The following SBF1 variants were observed in gnomAD, a reference collection of about 807,000 sequenced individuals.
The protein encoded by SBF1 is SET binding factor 1, also known as myotubularin-related protein 5.
Under a neutral mutation model 215.8 loss-of-function variants are expected in SBF1, and 65 were observed. The observed-to-expected ratio is 0.30, with a 90% CI of 0.25 to 0.37. SBF1 has a LOEUF of 0.37. Ranked by LOEUF, SBF1 falls within the 10% of genes least tolerant of loss-of-function variation. SBF1 has a pLI of 1.00. For missense variants in SBF1, 2,634 were observed against 2,667.8 expected, an observed-to-expected ratio of 0.99 and a Z score of 0.28; for synonymous variants, 1,410 against 1,122.8, an observed-to-expected ratio of 1.26 and a Z score of -5.11.
chr22:50,474,752 C>A, intron 1 of SBF1, 34 bp downstream of exon 1: 5 of 1,449,498 alleles, frequency 3.4e-6, no homozygotes, highest in Non-Finnish European at 4.5e-6. Context: ...CGACCCTCGG[C>A]CCCCGGCCCT....
chr22:50,461,482 G>A, intron 22 of SBF1, 41 bp downstream of exon 22: 3 of 1,554,966 alleles, frequency 1.9e-6, no homozygotes, highest in Non-Finnish European at 2.6e-6. Flanking sequence ...CAAAGACCTG[G>A]GGGAGAGGGG....
At chr22:50,449,818 AT>A (rs1415722908) in intron 36 of SBF1, among the ~76,000 whole-genome samples, 2 of 152,252 alleles carry the variant, frequency 1.3e-5, no homozygotes, top group African/African-American at 4.8e-5. Context: ...GCCATGACAG[AT>A]AATTAGTCTG....
rs1201530623 is a variant in SBF1 at position 50,459,366 on chromosome 22, G to A, written c.3715C>T (p.Leu1239=). The A allele has an allele frequency of 1.9e-6, 3 of 1,612,450 alleles. No individual in the cohort carries two copies. The highest frequency in any genetic ancestry group is 2.5e-6 in the Non-Finnish European group (3 of 1,179,462). The part of the protein sequence containing the change: ...PGQSQADSSS[L]EQEKYLQAVV... ...GCCTGCAGGTACTTCTCCTGCTCCA[G>A]GCTACTCGAGTCCGCCTGGGACTGG... is the stretch of plus-strand genomic sequence containing the variant. The change falls in exon 28 of 41, where the codon CTG becomes TTG. Residue 1239 remains leucine, a synonymous_variant. Coordinates refer to ENST00000380817, the MANE Select transcript of SBF1 (RefSeq NM_002972.4).
At chr22:50,474,648 G>A (rs1259168633) in intron 1 of SBF1, 138 bp downstream of exon 1, 11 of 495,304 alleles carry the variant, frequency 2.2e-5, no homozygotes, top group Non-Finnish European at 3.1e-5. Flanking sequence ...TCAGCGCCCG[G>A]CCCTCAGTCC....
chr22:50,459,230 A>AC (rs1569511316), intron 28 of SBF1, 25 bp downstream of exon 28: 1 of 1,582,338 alleles, frequency 6.3e-7, no homozygotes, highest in East Asian at 2.3e-5. Flanking sequence ...CCCCTGCCCC[A>AC]CCGTCTGCCC....
intron 24 of SBF1, 62 bp downstream of exon 24, chr22:50,460,472 G>A: frequency 9.3e-6 from 15 of 1,607,944 alleles, no homozygotes; most frequent in Non-Finnish European, 1.2e-5. Context: ...CAGGGGCCTA[G>A]GAGGGTTGGA....
At position 50,460,662 on chromosome 22, in the gene SBF1, G is replaced by A. The variant is rs374823102; in HGVS notation, c.3018C>T (p.Leu1006=). ...DEEVGSDSAE[L]FRKQLHKLRY... ...GCAGCTTATGCAGCTGCTTACGGAA[G>A]AGCTCGGCGCTGTCAGACCCCACCT... The change falls in exon 24 of 41, where the codon CTC becomes CTT. Residue 1006 remains leucine (L), a synonymous_variant. Coordinates refer to ENST00000380817, the MANE Select transcript of SBF1 (RefSeq NM_002972.4). 537 of 1,614,006 alleles carry A rather than the reference G, an allele frequency of 3.3e-4. 1 individual carries two copies. Among genetic ancestry groups the A allele is most frequent in the Admixed American group, 6.3e-4 (38 of 60,026 alleles).
chr22:50,458,551 G>A (rs1044541491), intron 28 of SBF1, among the ~76,000 whole-genome samples: 2 of 152,150 alleles, frequency 1.3e-5, no homozygotes, highest in African/African-American at 2.4e-5. Flanking sequence ...AGCAAGACAG[G>A]GCGATTGTAA....
chr22:50,447,653 C>T, intron 38 of SBF1, 44 bp from the exon 39 acceptor site: 17 of 1,412,006 alleles, frequency 1.2e-5, no homozygotes, highest in Non-Finnish European at 1.7e-5. Flanking sequence ...CGTCATGGCC[C>T]AGCCAAGCCC....
chr22:50,467,359 C>G lies in SBF1; in HGVS notation c.528G>C (p.Val176=). ...NVIGNLLTCT[V]PLAGGSQRTI... Reference sequence around the variant, plus strand: ...TCACCTGCGAGCCCCCAGCCAGGGGCACAGTGCACGTCAGCAGGTTCCCAA... The same window carrying G: ...TCACCTGCGAGCCCCCAGCCAGGGGGACAGTGCACGTCAGCAGGTTCCCAA... The change falls in exon 5 of 41, where the codon GTG becomes GTC. Residue 176 remains valine (V), a synonymous_variant. Coordinates refer to ENST00000380817, the MANE Select transcript of SBF1 (RefSeq NM_002972.4). 2 of 1,614,144 alleles carry G rather than the reference C, an allele frequency of 1.2e-6. No individual in the cohort carries two copies. The highest frequency in any genetic ancestry group is 1.3e-5 in the African/African-American group (1 of 75,056).
intron 29 of SBF1, among the ~76,000 whole-genome samples, 169 bp downstream of exon 29, chr22:50,456,865 T>C (rs961779356): frequency 6.6e-6 from 1 of 151,978 alleles, no homozygotes; most frequent in Admixed American, 6.6e-5. Flanking sequence ...CCAGTGTTAG[T>C]TTCTAGGGCA....
chr22:50,455,671 C>T (rs1274210640), intron 31 of SBF1, 89 bp from the exon 32 acceptor site: 1 of 1,109,766 alleles, frequency 9.0e-7, no homozygotes, highest in Non-Finnish European at 1.3e-6. Context: ...TGTCCACAGG[C>T]AGCGGGGAGG....
chr22:50,461,098 C>T (rs767062140), intron 23 of SBF1, 61 bp downstream of exon 23: 5 of 1,529,326 alleles, frequency 3.3e-6, no homozygotes, highest in African/African-American at 2.8e-5. Flanking sequence ...CAAGAAAGAC[C>T]GGTTTGCAGG....
At chr22:50,461,109 A>G in intron 23 of SBF1, 50 bp downstream of exon 23, 1 of 1,542,930 alleles carries the variant, frequency 6.5e-7, no homozygotes. Context: ...GGTTTGCAGG[A>G]GAAAGACCAG....
In SBF1 at chr22:50,467,779, A is replaced by G; in HGVS notation, c.279+7T>C. ...ATTCATGCTGTACCCAGAGGCCCCAAGCTGACCTGTGAAGGCTCCGCTGGC... is the reference window on the plus strand; with the variant it reads ...ATTCATGCTGTACCCAGAGGCCCCAGGCTGACCTGTGAAGGCTCCGCTGGC... On this transcript the variant is annotated splice_region_variant and intron_variant, in intron 3 of 40. Coordinates refer to ENST00000380817, the MANE Select transcript of SBF1 (RefSeq NM_002972.4). The G allele has an allele frequency of 6.2e-7, 1 of 1,613,828 alleles. No individual in the cohort carries two copies. Among genetic ancestry groups the G allele is most frequent in the South Asian group, 1.1e-5 (1 of 91,068 alleles).
chr22:50,447,250 G>GGC lies in SBF1; in HGVS notation c.5584-12_5584-11dup. On this transcript the variant is annotated splice_polypyrimidine_tract_variant and intron_variant, in intron 40 of 40. Coordinates refer to ENST00000380817, the MANE Select transcript of SBF1 (RefSeq NM_002972.4). The stretch of plus-strand genomic sequence containing the variant: ...GACGCGTTGTCTTCACCTGGGGAAG[G>GGC]GCGGGTTACTGACTCCGCAGCCCCC... The GGC allele has an allele frequency of 1.2e-6, 2 of 1,613,820 alleles. No homozygotes were observed. Among genetic ancestry groups the GGC allele is most frequent in the Non-Finnish European group, 1.7e-6 (2 of 1,179,800 alleles).
rs775125339 is a variant in SBF1, at chr22:50,466,209, T to C, written c.838A>G (p.Thr280Ala). 1 of 1,613,254 alleles carries C rather than the reference T, an allele frequency of 6.2e-7. No individual in the cohort carries two copies. The highest frequency in any genetic ancestry group is 8.5e-7 in the Non-Finnish European group (1 of 1,180,034). ...ACCCCAATGATGAAGGGCGTGGGTG[T>C]GCTGAGGACCTCCAGCAGCTGAGCC... ...LPAQLLEVLS[T>A]PTPFIIGVNA... Residue 280 changes from threonine (T) to alanine (A), a missense_variant, in exon 8 of 41, where the codon ACA becomes GCA. Physicochemically the swap from Thr to Ala is moderately conservative, Grantham distance 58. Transcript: ENST00000380817.
In SBF1 at chr22:50,459,645, C is replaced by T; in HGVS notation, c.3513G>A (p.Val1171=). ...GGGCGTTGTCCTGGACACTCTGGGG[C>T]ACGATCAGCAGCCCTGGGTAGCTGA... The part of the protein sequence containing the change: ...ICRSYPGLLI[V]PQSVQDNALQ... The change falls in exon 27 of 41, where the codon GTG becomes GTA. Residue 1171 remains valine, a synonymous_variant. Coordinates refer to ENST00000380817, the MANE Select transcript of SBF1 (RefSeq NM_002972.4). 1.2e-6 allele frequency: 2 copies of T among 1,607,244 alleles called. No homozygotes were observed. The highest frequency in any genetic ancestry group is 1.7e-6 in the Non-Finnish European group (2 of 1,177,852).
rs1426748926 is a variant in SBF1 at position 50,446,723 on chromosome 22, TG to T, written c.*418del. 4 of 433,280 alleles carry T rather than the reference TG, an allele frequency of 9.2e-6. No homozygotes were observed. The highest frequency in any genetic ancestry group is 1.4e-5 in the Non-Finnish European group (3 of 218,530). 26.8% of individuals were successfully genotyped at this position (433,280 alleles called of 1,614,324 possible). ...AGAAAGATGCCAACCTCCCGCCAGGTGGGCCTGGATAGGGGCAGATGGGACC... is the reference window on the plus strand; with the variant it reads ...AGAAAGATGCCAACCTCCCGCCAGGTGGCCTGGATAGGGGCAGATGGGACC... On this transcript the variant is annotated 3_prime_UTR_variant, in exon 41 of 41. Transcript: ENST00000380817.
Sources: gnomAD v4.1 joint callset for allele counts (sites outside exome capture counted in the v4.1 genomes callset) on GRCh38, gnomAD v4.1.1 for gene constraint, MANE v1.5 for transcripts, NCBI Gene and HGNC (gene_info 2026-07-23, HGNC 2026-07-21) for gene names.